GYPC: variants seen among roughly 807,000 people sequenced by gnomAD.
The protein encoded by GYPC is glycophorin-C.
A neutral mutation model predicts 12.6 loss-of-function variants in GYPC; 14 were observed. That is an observed-to-expected ratio of 1.11 (90% CI 0.74 to 1.74). The LOEUF (loss-of-function observed/expected upper bound fraction) is 1.74. Ranked by LOEUF, GYPC falls within the 40% of genes most tolerant of loss-of-function variation. The pLI is 0.00. For synonymous variants in GYPC, 78 were observed against 62.1 expected, an observed-to-expected ratio of 1.26 and a Z score of -1.20; for missense variants, 225 against 172.1, an observed-to-expected ratio of 1.31 and a Z score of -1.72.
intron 1 of GYPC, among the ~76,000 whole-genome samples, chr2:126,662,877 C>CCACTGCCCTGCTCCCTCCT: frequency 6.6e-6 from 1 of 152,084 alleles, no homozygotes; most frequent in Non-Finnish European, 1.5e-5. Flanking sequence ...AGCTTCCTCC[C>CCACTGCCCTGCTCCCTCCT]CACTGCCCTG....
intron 1 of GYPC, among the ~76,000 whole-genome samples, chr2:126,676,777 A>C (rs903045395): frequency 2.0e-5 from 3 of 152,200 alleles, no homozygotes; most frequent in Non-Finnish European, 4.4e-5. Context: ...GGGCAGGGAC[A>C]GTGAAGAGAG....
chr2:126,669,744 G>A (rs908109406), intron 1 of GYPC, among the ~76,000 whole-genome samples: 4 of 152,026 alleles, frequency 2.6e-5, no homozygotes, highest in Admixed American at 6.5e-5. Context: ...TGAAATCCAC[G>A]GTGTTCCTTC....
At chr2:126,661,931 C>A (rs1183898684) in intron 1 of GYPC, among the ~76,000 whole-genome samples, 1 of 152,262 alleles carries the variant, frequency 6.6e-6, no homozygotes, top group African/African-American at 2.4e-5. Flanking sequence ...CTGGCACACC[C>A]TGATGGCTCT....
intron 2 of GYPC, among the ~76,000 whole-genome samples, chr2:126,691,993 T>C (rs1032695379): frequency 2.6e-5 from 4 of 152,142 alleles, no homozygotes; most frequent in African/African-American, 9.7e-5. Flanking sequence ...ACTAAATCCA[T>C]TCATTTATAT....
Position 126,695,990 on chromosome 2 carries a change from G to C in GYPC, c.235G>C (p.Val79Leu), listed in dbSNP as rs150219760. The change falls in exon 4 of 4, where the codon GTC becomes CTC. Residue 79 changes from valine (V) to leucine (L), a missense_variant. Transcript: ENST00000259254. The part of the protein sequence containing the change: ...VAIVLVSLLF[V>L]MLRYMYRHKG... Reference sequence around the variant, plus strand: ...CATCGTCCTAGTCTCCCTCCTCTTCGTCATGCTGCGCTACATGTACCGGCA... The same window carrying C: ...CATCGTCCTAGTCTCCCTCCTCTTCCTCATGCTGCGCTACATGTACCGGCA... 1 of 1,614,040 alleles carries C rather than the reference G, an allele frequency of 6.2e-7. No homozygotes were observed. The highest frequency in any genetic ancestry group is 1.1e-5 in the South Asian group (1 of 91,074).
rs767385387 is a variant in GYPC at position 126,656,260 on chromosome 2, A to C, written c.-4A>C. The C allele has an allele frequency of 6.2e-6, 10 of 1,601,360 alleles. 1 individual carries two copies. The South Asian group carries it at 1.1e-4, about 18-fold the overall frequency. On this transcript the variant is annotated 5_prime_UTR_variant, in exon 1 of 4. Transcript: ENST00000259254. ...GCGGTCTCTGCCCGGGCTGACGCCC[A>C]GGAATGTGGTCGACGAGAAGCCCCA...
At chr2:126,657,404 C>A (rs968066668) in intron 1 of GYPC, among the ~76,000 whole-genome samples, 1 of 152,252 alleles carries the variant, frequency 6.6e-6, no homozygotes, top group Admixed American at 6.5e-5. Flanking sequence ...GCTCCAGTTT[C>A]CTCATCTGCA....
chr2:126,695,159 C>A lies in GYPC; in HGVS notation c.191-787C>A, dbSNP rs79156482. Among the ~76,000 whole-genome samples the A allele has an allele frequency of 6.6e-5, 10 of 152,290 alleles. No homozygotes were observed. The South Asian group carries it at 1.9e-3, about 28-fold the overall frequency. On this transcript the variant is annotated intron_variant, in intron 3 of 3. Coordinates refer to ENST00000259254, the MANE Select transcript of GYPC (RefSeq NM_002101.5). ...GAAAAACACAAACCACACAACCTTCCCCAAGCACAGTTAATAGCCTCATCT... is the reference window on the plus strand; with the variant it reads ...GAAAAACACAAACCACACAACCTTCACCAAGCACAGTTAATAGCCTCATCT...
intron 1 of GYPC, among the ~76,000 whole-genome samples, chr2:126,682,759 T>C (rs1683183968): frequency 6.6e-6 from 1 of 152,210 alleles, no homozygotes; most frequent in Non-Finnish European, 1.5e-5. Context: ...TTCAACAGTC[T>C]GGGCGTTGTC....
intron 1 of GYPC, among the ~76,000 whole-genome samples, chr2:126,670,236 A>C (rs1682808891): frequency 6.6e-6 from 1 of 152,208 alleles, no homozygotes; most frequent in African/African-American, 2.4e-5. Flanking sequence ...TCACTGGACC[A>C]AGCCTTAAGT....
intron 1 of GYPC, among the ~76,000 whole-genome samples, chr2:126,677,296 AGAGT>A (rs1185973130): frequency 1.3e-5 from 2 of 150,378 alleles, no homozygotes; most frequent in Admixed American, 1.3e-4. Flanking sequence ...TGAGTGTGTT[AGAGT>A]GTGTGAGTGT....
At chr2:126,661,745 T>C (rs1219411058) in intron 1 of GYPC, among the ~76,000 whole-genome samples, 1 of 151,932 alleles carries the variant, frequency 6.6e-6, no homozygotes, top group Non-Finnish European at 1.5e-5. Flanking sequence ...CATGAGCCAC[T>C]GTGCCCAGCC....
chr2:126,696,275 T>C lies in GYPC; in HGVS notation c.*133T>C, dbSNP rs1683642909. 1.3e-6 allele frequency: 1 copy of C among 753,492 alleles called. No homozygotes were observed. Among genetic ancestry groups the C allele is most frequent in the Non-Finnish European group, 2.3e-6 (1 of 427,710 alleles). 46.7% of individuals were successfully genotyped at this position (753,492 alleles called of 1,614,324 possible). ...CTTGATTCTTCCCGAGATAGCCACC[T>C]GGAAACACTAGGTGCCTGCCCAGGG... On this transcript the variant is annotated 3_prime_UTR_variant, in exon 4 of 4. Transcript: ENST00000259254.
At chr2:126,686,728 C>CA (rs1683301875) in intron 1 of GYPC, 5 of 981,420 alleles carry the variant, frequency 5.1e-6, no homozygotes, top group Non-Finnish European at 4.8e-6. Flanking sequence ...TGGGTCTTTC[C>CA]AAAAAATAGG....
At chr2:126,690,110 G>A (rs1043426269) in intron 1 of GYPC, 145 bp from the exon 2 acceptor site, 35 of 723,736 alleles carry the variant, frequency 4.8e-5, no homozygotes, top group East Asian at 1.3e-4. Context: ...GCTAGGAGTC[G>A]GTGGGTGCAC....
intron 1 of GYPC, among the ~76,000 whole-genome samples, chr2:126,662,517 C>G (rs1012074913): frequency 1.3e-4 from 20 of 152,284 alleles, no homozygotes; most frequent in Middle Eastern, 3.4e-3. Flanking sequence ...CTGGCTGTGA[C>G]CTGGGACAAG....
intron 1 of GYPC, among the ~76,000 whole-genome samples, chr2:126,671,408 G>GTGCT (rs1682852031): frequency 6.6e-6 from 1 of 152,240 alleles, no homozygotes; most frequent in South Asian, 2.1e-4. Flanking sequence ...TCAGAAAACA[G>GTGCT]TGCTTTATCA....
At chr2:126,656,449 T>A in intron 1 of GYPC, 137 bp downstream of exon 1, 1 of 700,584 alleles carries the variant, frequency 1.4e-6, no homozygotes, top group Non-Finnish European at 2.3e-6. Flanking sequence ...AGGCGTCCGC[T>A]GGGCTCAGAT....
At chr2:126,691,184 C>A (rs1301157510) in intron 2 of GYPC, among the ~76,000 whole-genome samples, 1 of 152,218 alleles carries the variant, frequency 6.6e-6, no homozygotes, top group African/African-American at 2.4e-5. Flanking sequence ...AGTCCCTCCC[C>A]AAGGCCTCCA....
Sources: allele counts gnomAD v4.1 joint callset (sites outside exome capture counted in the v4.1 genomes callset), GRCh38; gene constraint gnomAD v4.1.1; transcripts MANE v1.5; gene names NCBI Gene and HGNC (gene_info 2026-07-23, HGNC 2026-07-21).